NCOR1: variants seen among roughly 807,000 people sequenced by gnomAD.
NCOR1 encodes nuclear receptor corepressor 1, also known as protein phosphatase 1, regulatory subunit 109.
In NCOR1, 63 loss-of-function variants were observed where a neutral mutation model predicts 288.1. The ratio of observed to expected loss-of-function variants is 0.22; its 90% CI spans 0.18 to 0.27. NCOR1 has a LOEUF of 0.27. Among genes scored for constraint, NCOR1 ranks in the 10% least tolerant of loss-of-function variants. The probability of loss-of-function intolerance (pLI) is 1.00; values close to 1 mark genes in which losing one functional copy is unlikely to be tolerated. For synonymous variants in NCOR1, 1,007 were observed against 1,065.9 expected (o/e 0.94, Z 1.08); for missense variants, 2,397 against 3,019.2 (o/e 0.79, Z 4.83).
At chr17:16,109,704 G>A (rs1372080403) in intron 18 of NCOR1, among the ~76,000 whole-genome samples, 2 of 151,814 alleles carry the variant, frequency 1.3e-5, no homozygotes, top group Non-Finnish European at 2.9e-5. Flanking sequence ...ACTCATCATT[G>A]ATATTACTAC....
At chr17:16,084,735 G>A (rs2063946246) in intron 23 of NCOR1, among the ~76,000 whole-genome samples, 1 of 152,080 alleles carries the variant, frequency 6.6e-6, no homozygotes. Flanking sequence ...TTCAACTGGT[G>A]CTATTTTTCA....
At chr17:16,048,807 C>A in intron 41 of NCOR1, 38 bp downstream of exon 41, 1 of 1,548,940 alleles carries the variant, frequency 6.5e-7, no homozygotes, top group Middle Eastern at 1.7e-4. Flanking sequence ...TGAGCACCCA[C>A]GCCATGAATG....
intron 18 of NCOR1, among the ~76,000 whole-genome samples, chr17:16,114,160 A>AAAAAAAAAAAAAC (rs2071033766): frequency 9.4e-6 from 1 of 106,894 alleles, no homozygotes; most frequent in Non-Finnish European, 2.0e-5. Context: ...AAAAAAAAAA[A>AAAAAAAAAAAAAC]AAAAAAAAAC....
rs763880485 is a variant in NCOR1, at chr17:16,058,533, G to A, written c.5948C>T (p.Ala1983Val). 87 of 1,613,906 alleles carry A rather than the reference G, an allele frequency of 5.4e-5. No homozygotes were observed. The highest frequency in any genetic ancestry group is 7.7e-5 in the South Asian group (7 of 91,074). The change falls in exon 38 of 46, where the codon GCG (alanine) becomes GTG (valine). Residue 1983 changes from alanine to valine, a missense_variant. Physicochemically the swap from Ala to Val is moderately conservative, Grantham distance 64 (BLOSUM62 0). This residue lies in a region of NCOR1 where 1,872 missense variants were observed against 2,187.8 expected (regional missense o/e 0.86). Coordinates refer to ENST00000268712, the MANE Select transcript of NCOR1 (RefSeq NM_006311.4). ...GGTCTGCAGTTTCTCCTGGGGTGGC[G>A]CAGGTGAGCTGGCAGGACTTATCAC... ...IEVISPASSPAPPQEKLQTYQ... is the reference protein window; with the variant it reads ...IEVISPASSPVPPQEKLQTYQ...
At chr17:16,114,742 C>A (rs892918327) in intron 18 of NCOR1, among the ~76,000 whole-genome samples, 1 of 152,234 alleles carries the variant, frequency 6.6e-6, no homozygotes, top group Non-Finnish European at 1.5e-5. Flanking sequence ...GAGGTGGGTT[C>A]CCACGGTCTT....
intron 35 of NCOR1, among the ~76,000 whole-genome samples, chr17:16,063,359 A>G (rs1387189811): frequency 1.3e-5 from 2 of 151,690 alleles, no homozygotes; most frequent in Non-Finnish European, 2.9e-5. Context: ...TTTTATATAT[A>G]TATTTTAGAG....
At chr17:16,183,363 T>TA (rs150925370) in intron 3 of NCOR1, among the ~76,000 whole-genome samples, 222 of 144,638 alleles carry the variant, frequency 1.5e-3, no homozygotes, top group Admixed American at 1.9e-3. Flanking sequence ...TTCTACACAT[T>TA]AAAAAAAAAA....
intron 2 of NCOR1, among the ~76,000 whole-genome samples, chr17:16,188,675 G>A (rs1260885271): frequency 1.3e-5 from 2 of 151,920 alleles, no homozygotes; most frequent in Admixed American, 6.6e-5. Context: ...AAGGAAATAG[G>A]TAAAACAGTA....
At chr17:16,059,049 CAAAAAAAAAAA>C (rs57820388) in intron 37 of NCOR1, among the ~76,000 whole-genome samples, 4 of 17,444 alleles carry the variant, frequency 2.3e-4, no homozygotes, top group Non-Finnish European at 4.3e-4. Flanking sequence ...AACTCCGTCT[CAAAAAAAAAAA>C]AAAAAAAAAA....
chr17:16,072,753 T>C (rs761177085), intron 28 of NCOR1, among the ~76,000 whole-genome samples: 1 of 152,198 alleles, frequency 6.6e-6, no homozygotes, highest in African/African-American at 2.4e-5. Flanking sequence ...GTTTTTAACA[T>C]AGAGAAAAAT....
At chr17:16,129,595 C>G (rs1179659622) in intron 14 of NCOR1, among the ~76,000 whole-genome samples, 1 of 152,168 alleles carries the variant, frequency 6.6e-6, no homozygotes, top group East Asian at 1.9e-4. Context: ...CTCTGACTCC[C>G]TGGGACACTA....
At chr17:16,107,363 C>T (rs1042830150) in intron 19 of NCOR1, among the ~76,000 whole-genome samples, 2 of 152,042 alleles carry the variant, frequency 1.3e-5, no homozygotes, top group African/African-American at 4.8e-5. Context: ...GGGCTCTAAT[C>T]CAGTAGGAGT....
In NCOR1 at chr17:16,138,096, A is replaced by T. The variant is rs567116649; in HGVS notation, c.1407+62T>A. The stretch of plus-strand genomic sequence containing the variant: ...AACTACTTATATGTGTCAGAGCACA[A>T]GAATTTCAAAGTAACAACCATCACA... On this transcript the variant is annotated intron_variant, in intron 13 of 45. Transcript: ENST00000268712. The T allele has an allele frequency of 4.1e-5, 57 of 1,401,110 alleles. 1 individual carries two copies. The South Asian group carries it at 6.7e-4, about 16-fold the overall frequency. 86.8% of individuals were successfully genotyped at this position (1,401,110 alleles called of 1,614,324 possible).
intron 1 of NCOR1, among the ~76,000 whole-genome samples, chr17:16,201,374 G>T (rs1306058416): frequency 2.0e-5 from 3 of 152,054 alleles, no homozygotes; most frequent in Non-Finnish European, 4.4e-5. Flanking sequence ...CGAGGCAAGT[G>T]GATCACTAGA....
rs1282291087 is a variant in NCOR1, at chr17:16,139,091, A to G, written c.1269T>C (p.Leu423=). ...TATACACTTTCATAGGGTCCTCCATAAGCCCATTCATGTTAATGAACTTGA... is the reference window on the plus strand; with the variant it reads ...TATACACTTTCATAGGGTCCTCCATGAGCCCATTCATGTTAATGAACTTGA... ...RRVKFINMNG[L]MEDPMKVYKD... is the part of the protein sequence containing the mutation. Residue 423 remains leucine, a synonymous_variant, in exon 12 of 46, where the codon CTT becomes CTC. Coordinates refer to ENST00000268712, the MANE Select transcript of NCOR1 (RefSeq NM_006311.4). 1 of 1,612,988 alleles carries G rather than the reference A, an allele frequency of 6.2e-7. No individual in the cohort carries two copies. Among genetic ancestry groups the G allele is most frequent in the Non-Finnish European group, 8.5e-7 (1 of 1,179,454 alleles).
chr17:16,211,313 T>G (rs1055292841), intron 1 of NCOR1, among the ~76,000 whole-genome samples: 18 of 151,858 alleles, frequency 1.2e-4, no homozygotes, highest in Admixed American at 1.3e-4. Context: ...CTGAAGTGAG[T>G]GCACTGGCAT....
intron 3 of NCOR1, 118 bp downstream of exon 3, chr17:16,186,436 C>A: frequency 3.7e-6 from 4 of 1,077,404 alleles, no homozygotes; most frequent in Non-Finnish European, 3.8e-6. Flanking sequence ...ACTCAAAATG[C>A]AAACTATAAA....
chr17:16,166,043 A>G (rs1327317233), intron 4 of NCOR1, among the ~76,000 whole-genome samples: 1 of 152,232 alleles, frequency 6.6e-6, no homozygotes, highest in Non-Finnish European at 1.5e-5. Flanking sequence ...CATACAAGAG[A>G]TAACTGGACA....
At position 16,091,923 on chromosome 17, in the gene NCOR1, C is replaced by T; in HGVS notation, c.2956G>A (p.Glu986Lys). The change falls in exon 22 of 46, where the codon GAA becomes AAA. Residue 986 changes from glutamate (E) to lysine (K), a missense_variant. This residue lies in a region of NCOR1 where 1,872 missense variants were observed against 2,187.8 expected (regional missense o/e 0.86). Coordinates refer to ENST00000268712, the MANE Select transcript of NCOR1 (RefSeq NM_006311.4). ...CATGGACTTGTAGAACTTCTACATTCCAAATCTATCTGTTCTTGTCTCTGC... is the reference window on the plus strand; with the variant it reads ...CATGGACTTGTAGAACTTCTACATTTCAAATCTATCTGTTCTTGTCTCTGC... ...QRQRQEQIDL[E>K]CRSSTSPCGT... 1 of 1,614,156 alleles carries T rather than the reference C, an allele frequency of 6.2e-7. No individual in the cohort carries two copies. The highest frequency in any genetic ancestry group is 8.5e-7 in the Non-Finnish European group (1 of 1,180,036).
Sources: allele counts gnomAD v4.1 joint callset (sites outside exome capture counted in the v4.1 genomes callset), GRCh38; gene constraint gnomAD v4.1.1; regional missense constraint gnomAD v4.1.1; transcripts MANE v1.5; gene names NCBI Gene and HGNC (gene_info 2026-07-23, HGNC 2026-07-21).